The following MARCHF1 variants were observed in gnomAD, a reference collection of about 807,000 sequenced individuals.
MARCHF1 encodes E3 ubiquitin-protein ligase MARCHF1.
In MARCHF1, 40 loss-of-function variants were observed where a neutral mutation model predicts 54.2. The ratio of observed to expected loss-of-function variants is 0.74; its 90% CI spans 0.57 to 0.96. The LOEUF (loss-of-function observed/expected upper bound fraction) is 0.96. Among genes scored for constraint, MARCHF1 ranks in the 40% least tolerant of loss-of-function variants. The pLI is 0.00. For synonymous variants in MARCHF1, 236 were observed against 236.3 expected (o/e 1.00, Z 0.01); for missense variants, 586 against 656.5 (o/e 0.89, Z 1.17).
chr4:163,528,622 G>T lies in MARCHF1; in HGVS notation c.*126C>A, dbSNP rs1276633953. 2 of 999,526 alleles carry T rather than the reference G, an allele frequency of 2.0e-6. No individual in the cohort carries two copies. The highest frequency in any genetic ancestry group is 2.9e-6 in the Non-Finnish European group (2 of 691,616). The allele number at this position is 999,526 out of a possible 1,614,324, so 61.9% of individuals were successfully genotyped here. On this transcript the variant is annotated 3_prime_UTR_variant, in exon 10 of 10. Transcript: ENST00000514618. ...TCCTTTCCTCTTTGAACAAAGTCAG[G>T]AAAAATGTGTCAGTAGGAGAAAGGA...
chr4:163,804,667 C>T (rs1394115699), intron 4 of MARCHF1, among the ~76,000 whole-genome samples: 1 of 152,152 alleles, frequency 6.6e-6, no homozygotes, highest in Non-Finnish European at 1.5e-5. Context: ...AGACCTACAG[C>T]TGTAATGAAA....
chr4:164,150,261 T>G (rs181512231), intron 1 of MARCHF1, among the ~76,000 whole-genome samples: 269 of 152,288 alleles, frequency 1.8e-3, no homozygotes, highest in African/African-American at 6.3e-3. Context: ...AACTTTATTT[T>G]TAAAAACTTT....
intron 1 of MARCHF1, among the ~76,000 whole-genome samples, chr4:164,219,117 A>G (rs541977156): frequency 7.8e-4 from 118 of 152,242 alleles, no homozygotes; most frequent in African/African-American, 2.8e-3. Context: ...AAGTCTGCAC[A>G]TGAGTGTTCC....
At chr4:163,706,331 CT>C (rs1302878497) in intron 4 of MARCHF1, among the ~76,000 whole-genome samples, 1 of 151,962 alleles carries the variant, frequency 6.6e-6, no homozygotes, top group Non-Finnish European at 1.5e-5. Flanking sequence ...AATGAAAAGC[CT>C]TCTGCCAACT....
At chr4:163,799,562 C>T (rs1004192839) in intron 4 of MARCHF1, among the ~76,000 whole-genome samples, 1 of 152,086 alleles carries the variant, frequency 6.6e-6, no homozygotes, top group Non-Finnish European at 1.5e-5. Flanking sequence ...CAAATACACA[C>T]ATATACCCAC....
chr4:164,040,092 ATATAAG>A (rs1754092940), intron 2 of MARCHF1, among the ~76,000 whole-genome samples: 1 of 145,996 alleles, frequency 6.8e-6, no homozygotes, highest in African/African-American at 2.5e-5. Flanking sequence ...ATATATACAT[ATATAAG>A]TATATTTTTC....
At chr4:164,183,941 G>A (rs948988542) in intron 1 of MARCHF1, among the ~76,000 whole-genome samples, 1 of 152,160 alleles carries the variant, frequency 6.6e-6, no homozygotes, top group Admixed American at 6.5e-5. Context: ...CACTGAAGGA[G>A]GAAGCAGAGG....
chr4:163,545,969 G>A (rs1310172235), intron 8 of MARCHF1, among the ~76,000 whole-genome samples: 2 of 151,824 alleles, frequency 1.3e-5, no homozygotes, highest in African/African-American at 2.4e-5. Context: ...GTGTGTGTGT[G>A]TGTGTGTGTG....
intron 3 of MARCHF1, among the ~76,000 whole-genome samples, chr4:163,875,053 T>C (rs1446345314): frequency 1.3e-5 from 2 of 152,210 alleles, no homozygotes. Context: ...TGACTTCATG[T>C]TTATAAAATA....
At chr4:163,882,561 T>C (rs969798938) in intron 3 of MARCHF1, among the ~76,000 whole-genome samples, 18 of 152,220 alleles carry the variant, frequency 1.2e-4, no homozygotes, top group Non-Finnish European at 1.3e-4. Flanking sequence ...TTTTGATTTA[T>C]TCCTCAGAAC....
chr4:164,248,560 A>T (rs912792121), intron 1 of MARCHF1, among the ~76,000 whole-genome samples: 1 of 152,076 alleles, frequency 6.6e-6, no homozygotes, highest in African/African-American at 2.4e-5. Context: ...CAGCTTCTGA[A>T]ACGCAACCTA....
chr4:163,626,321 G>C (rs962886197), intron 5 of MARCHF1, among the ~76,000 whole-genome samples: 1 of 152,172 alleles, frequency 6.6e-6, no homozygotes, highest in Non-Finnish European at 1.5e-5. Context: ...ATTGGCCTTG[G>C]CATTTTGAAA....
chr4:163,896,580 A>G lies in MARCHF1; in HGVS notation c.-38-42411T>C, dbSNP rs189279016. 2.6e-3 allele frequency among the ~76,000 whole-genome samples: 397 copies of G among 152,048 alleles called. 4 individuals are homozygous for G. Among genetic ancestry groups the G allele is most frequent in the African/African-American group, 8.6e-3 (358 of 41,430 alleles). ...CACTTCTTCTTTTCGAATGCTTATG[A>G]CTTCTCACCTGGACTTGTATAATAG... On this transcript the variant is annotated intron_variant, in intron 3 of 9. Transcript: ENST00000514618.
At chr4:163,747,717 G>A (rs940762863) in intron 4 of MARCHF1, among the ~76,000 whole-genome samples, 8 of 152,152 alleles carry the variant, frequency 5.3e-5, no homozygotes, top group Non-Finnish European at 1.2e-4. Flanking sequence ...TAAATTAGAT[G>A]CCACTGATAA....
At chr4:164,070,089 G>C (rs905123266) in intron 2 of MARCHF1, among the ~76,000 whole-genome samples, 1 of 152,152 alleles carries the variant, frequency 6.6e-6, no homozygotes. Context: ...ATTAACATGG[G>C]AACAACAGAC....
intron 2 of MARCHF1, among the ~76,000 whole-genome samples, chr4:164,044,740 A>G (rs1754205221): frequency 6.6e-6 from 1 of 152,060 alleles, no homozygotes; most frequent in South Asian, 2.1e-4. Flanking sequence ...GTTTATATAT[A>G]TGTGTGGACA....
intron 1 of MARCHF1, among the ~76,000 whole-genome samples, chr4:164,134,733 T>C (rs370746346): frequency 4.6e-5 from 7 of 152,116 alleles, no homozygotes; most frequent in South Asian, 2.1e-4. Context: ...CTTTTGTCTT[T>C]TCTCTCCTTT....
At chr4:164,344,418 C>T (rs1323096984) in intron 1 of MARCHF1, among the ~76,000 whole-genome samples, 1 of 151,840 alleles carries the variant, frequency 6.6e-6, no homozygotes, top group East Asian at 1.9e-4. Context: ...GTATTTCCTT[C>T]AGAAAATAAG....
intron 5 of MARCHF1, among the ~76,000 whole-genome samples, chr4:163,693,480 C>G (rs1213965642): frequency 6.6e-6 from 1 of 151,294 alleles, no homozygotes; most frequent in Non-Finnish European, 1.5e-5. Flanking sequence ...AGCTGCAATA[C>G]AAGCACCCTT....
Sources: allele counts gnomAD v4.1 joint callset (sites outside exome capture counted in the v4.1 genomes callset), GRCh38; gene constraint gnomAD v4.1.1; transcripts MANE v1.5; gene names NCBI Gene and HGNC (gene_info 2026-07-23, HGNC 2026-07-21).